Variants in BAIAP2 observed in about 807,000 individuals in gnomAD.
The protein encoded by BAIAP2 is BAR/IMD domain-containing adapter protein 2.
Under a neutral mutation model 63.0 loss-of-function variants are expected in BAIAP2, and 18 were observed. That is an observed-to-expected ratio of 0.29 (90% confidence interval 0.20 to 0.42). The LOEUF (loss-of-function observed/expected upper bound fraction) is 0.42. Ranked by LOEUF, BAIAP2 falls within the 10% of genes least tolerant of loss-of-function variation. The pLI, the probability that BAIAP2 is intolerant of heterozygous loss-of-function variation, is 1.00. For synonymous variants in BAIAP2, 386 were observed against 307.6 expected, an observed-to-expected ratio of 1.25 and a Z score of -2.67; for missense variants, 610 against 734.3, an observed-to-expected ratio of 0.83 and a Z score of 1.96.
chr17:81,045,878 G>A (rs2047729600), intron 1 of BAIAP2, among the ~76,000 whole-genome samples: 2 of 152,158 alleles, frequency 1.3e-5, no homozygotes, highest in Non-Finnish European at 2.9e-5. Context: ...CTGACCCCCC[G>A]GGGAAGGGTG....
At position 81,064,202 on chromosome 17, in the gene BAIAP2, G is replaced by A. The variant is rs146965563; in HGVS notation, c.217+6235G>A. The stretch of plus-strand genomic sequence containing the variant: ...CTTCGCACCTTTTCTTTCCCATGTG[G>A]CACCTGCTCTACTCACAGGGCAGTC... On this transcript the variant is annotated intron_variant, in intron 3 of 13. Coordinates refer to ENST00000428708, the MANE Select transcript of BAIAP2 (RefSeq NM_001144888.2). 1.9e-3 allele frequency among the ~76,000 whole-genome samples: 292 copies of A among 152,320 alleles called. 1 individual carries two copies. Among genetic ancestry groups the A allele is most frequent in the African/African-American group, 6.6e-3 (276 of 41,562 alleles).
At chr17:81,114,821 C>G (rs541482968) in intron 13 of BAIAP2, among the ~76,000 whole-genome samples, 1 of 152,198 alleles carries the variant, frequency 6.6e-6, no homozygotes, top group Non-Finnish European at 1.5e-5. Context: ...TCTGCCTGCC[C>G]GTCCCCAGGG....
intron 2 of BAIAP2, among the ~76,000 whole-genome samples, chr17:81,055,990 C>T (rs1468414114): frequency 2.0e-5 from 3 of 152,260 alleles, no homozygotes; most frequent in Admixed American, 1.3e-4. Flanking sequence ...CTCTGAGGGT[C>T]GGCGTGGCCT....
intron 3 of BAIAP2, among the ~76,000 whole-genome samples, chr17:81,073,705 GTTC>G (rs1382073700): frequency 2.0e-5 from 3 of 152,186 alleles, no homozygotes; most frequent in South Asian, 4.1e-4. Context: ...TCTCTCTCAG[GTTC>G]TTGTCACTCG....
chr17:81,044,107 C>G (rs769436679), intron 1 of BAIAP2, among the ~76,000 whole-genome samples: 1 of 152,194 alleles, frequency 6.6e-6, no homozygotes, highest in Admixed American at 6.5e-5. Context: ...AGCCCCCGGG[C>G]TGGCACCTCC....
In BAIAP2 at chr17:81,104,119, C is replaced by T. The variant is rs77859566; in HGVS notation, c.1066+11C>T. On this transcript the variant is annotated intron_variant, in intron 9 of 13. Transcript: ENST00000428708. ...ACAGCTATGCCACCAGTAAGGGCTC[C>T]GCTGGGGTGTTGGGCTGGGGTCCCT... 147 of 1,612,798 alleles carry T rather than the reference C, an allele frequency of 9.1e-5. No homozygotes were observed. The Middle Eastern group carries it at 1.3e-3, about 14-fold the overall frequency.
At chr17:81,100,326 G>A (rs982735059) in intron 7 of BAIAP2, among the ~76,000 whole-genome samples, 4 of 152,152 alleles carry the variant, frequency 2.6e-5, no homozygotes, top group Non-Finnish European at 5.9e-5. Flanking sequence ...GGGCTTTCAA[G>A]GCCTTCTAGA....
At chr17:81,071,861 GCCGGTCC>G (rs917482750) in intron 3 of BAIAP2, among the ~76,000 whole-genome samples, 1 of 152,230 alleles carries the variant, frequency 6.6e-6, no homozygotes, top group Non-Finnish European at 1.5e-5. Flanking sequence ...CTTGTGGGTG[GCCGGTCC>G]CCTCCTCCAG....
rs1175977413 is a variant in BAIAP2 at position 81,089,750 on chromosome 17, GC to G, written c.489+3172del. The stretch of plus-strand genomic sequence containing the variant: ...GCATTCCCATCTGTGGCTGCTAGTT[GC>G]CGAGGCAAATGGTCCCCCTAGCACC... On this transcript the variant is annotated intron_variant, in intron 6 of 13. Coordinates refer to ENST00000428708, the MANE Select transcript of BAIAP2 (RefSeq NM_001144888.2). Among the ~76,000 whole-genome samples, 3 of 152,104 alleles carry G rather than the reference GC, an allele frequency of 2.0e-5. No individual in the cohort carries two copies. The East Asian group carries it at 5.8e-4, about 29-fold the overall frequency.
intron 6 of BAIAP2, among the ~76,000 whole-genome samples, chr17:81,096,952 TAGAGGAGGAGAAGAAGGAGAAAGG>T (rs1410143410): frequency 6.6e-5 from 10 of 151,470 alleles, no homozygotes; most frequent in African/African-American, 1.7e-4. Context: ...GAGGAGAAAG[TAGAGGAGGAGAAGAAGGAGAAAGG>T]AGAGGAGGAG....
intron 1 of BAIAP2, chr17:81,036,726 G>GT: frequency 1.4e-6 from 1 of 721,778 alleles, no homozygotes. Context: ...AGGCCCTGGG[G>GT]TTGTTAGGTT....
intron 1 of BAIAP2, among the ~76,000 whole-genome samples, chr17:81,043,292 A>G (rs2047340425): frequency 6.6e-6 from 1 of 152,234 alleles, no homozygotes. Context: ...TATGTCTGCC[A>G]GAGGAGGCCT....
At chr17:81,038,522 C>T (rs754457612) in intron 1 of BAIAP2, among the ~76,000 whole-genome samples, 15 of 152,138 alleles carry the variant, frequency 9.9e-5, no homozygotes, top group Non-Finnish European at 2.2e-4. Flanking sequence ...TTCCTTGTGC[C>T]GAGGCTCTTG....
At chr17:81,080,982 G>A (rs1038786906) in intron 3 of BAIAP2, among the ~76,000 whole-genome samples, 2 of 152,252 alleles carry the variant, frequency 1.3e-5, no homozygotes, top group Non-Finnish European at 2.9e-5. Flanking sequence ...CCTCGCAAAG[G>A]CTGGGTGCGT....
chr17:81,074,157 C>T (rs570863899), intron 3 of BAIAP2, among the ~76,000 whole-genome samples: 6 of 152,280 alleles, frequency 3.9e-5, no homozygotes, highest in East Asian at 1.9e-4. Context: ...ACAATGGAGG[C>T]GTGATGAGGC....
intron 3 of BAIAP2, among the ~76,000 whole-genome samples, chr17:81,072,398 C>T (rs910418947): frequency 4.6e-5 from 7 of 152,244 alleles, no homozygotes; most frequent in Non-Finnish European, 7.3e-5. Context: ...CTTGTGGCCA[C>T]CTGAGCACTT....
At chr17:81,058,460 G>C (rs2049998928) in intron 3 of BAIAP2, among the ~76,000 whole-genome samples, 1 of 152,266 alleles carries the variant, frequency 6.6e-6, no homozygotes, top group African/African-American at 2.4e-5. Flanking sequence ...TGACGTCTAT[G>C]TCAAGGGACA....
intron 13 of BAIAP2, among the ~76,000 whole-genome samples, chr17:81,114,110 A>G (rs1206541977): frequency 2.7e-5 from 4 of 147,924 alleles, no homozygotes; most frequent in Admixed American, 2.7e-4. Flanking sequence ...GACCACAGGC[A>G]TGCACCACTC....
intron 3 of BAIAP2, among the ~76,000 whole-genome samples, chr17:81,060,705 T>C (rs563570490): frequency 6.6e-6 from 1 of 152,336 alleles, no homozygotes; most frequent in South Asian, 2.1e-4. Context: ...CAACACATCC[T>C]TGTTTCAAAC....
Sources: allele counts gnomAD v4.1 joint callset (sites outside exome capture counted in the v4.1 genomes callset), GRCh38; gene constraint gnomAD v4.1.1; transcripts MANE v1.5; gene names NCBI Gene and HGNC (gene_info 2026-07-23, HGNC 2026-07-21).